The following SLC38A11 variants were observed in gnomAD, a reference collection of about 807,000 sequenced individuals.
The protein encoded by SLC38A11 is putative sodium-coupled neutral amino acid transporter 11.
In SLC38A11, 51 loss-of-function variants were observed where a neutral mutation model predicts 49.4. That is an observed-to-expected ratio of 1.03 (90% CI 0.83 to 1.30). SLC38A11 has a LOEUF of 1.30. Among genes scored for constraint, SLC38A11 ranks in the 50% most tolerant of loss-of-function variants. The pLI, the probability that SLC38A11 is intolerant of heterozygous loss-of-function variation, is 0.00. For missense variants in SLC38A11, 574 were observed against 556.2 expected (o/e 1.03, Z -0.32); for synonymous variants, 203 against 192.9 (o/e 1.05, Z -0.43).
At chr2:164,938,174 G>C (rs1465700434) in intron 6 of SLC38A11, among the ~76,000 whole-genome samples, 3 of 152,078 alleles carry the variant, frequency 2.0e-5, no homozygotes, top group African/African-American at 7.2e-5. Context: ...TATTTTATGT[G>C]AGTCTCATTA....
In SLC38A11 at chr2:164,915,392, C is replaced by A. The variant is rs1213166589; in HGVS notation, c.689-119G>T. 1.1e-5 allele frequency: 9 copies of A among 815,858 alleles called. No individual in the cohort carries two copies. The East Asian group carries it at 2.2e-4, about 20-fold the overall frequency. 50.5% of individuals were successfully genotyped at this position (815,858 alleles called of 1,614,324 possible). A position where few individuals can be genotyped will look rare whatever the true frequency, so the allele number is the denominator to read the frequency against. ...AATGAACTGAAGTTTAAACATACAA[C>A]TTTATTAATATGTCAGAAAATAATT... is the stretch of plus-strand genomic sequence containing the variant. On this transcript the variant is annotated intron_variant, in intron 8 of 11. Transcript: ENST00000685975.
chr2:164,916,494 AT>A (rs1292440172), intron 7 of SLC38A11, among the ~76,000 whole-genome samples: 1 of 152,136 alleles, frequency 6.6e-6, no homozygotes, highest in African/African-American at 2.4e-5. Flanking sequence ...ATCTCATTTA[AT>A]TTTCAAAATA....
chr2:164,920,378 A>G (rs17353513), intron 7 of SLC38A11, among the ~76,000 whole-genome samples: 9,712 of 152,234 alleles, frequency 0.064, 355 homozygotes, highest in Admixed American at 0.099. Flanking sequence ...TTAAACCCCC[A>G]TGCAAATTAA....
rs1227924902 is a variant in SLC38A11, at chr2:164,895,211, T to C, written c.*3226A>G. ...TCTATGTGTTCTCTAGGTCACAGCA[T>C]CTCTGGTCCACTCTACATATTTGCT... On this transcript the variant is annotated 3_prime_UTR_variant, in exon 12 of 12. Transcript: ENST00000685975. Among the ~76,000 whole-genome samples, 2 of 152,208 alleles carry C rather than the reference T, an allele frequency of 1.3e-5. No homozygotes were observed. The highest frequency in any genetic ancestry group is 2.9e-5 in the Non-Finnish European group (2 of 68,028).
At chr2:164,911,602 C>T in intron 10 of SLC38A11, 34 bp downstream of exon 10, 1 of 1,101,856 alleles carries the variant, frequency 9.1e-7, no homozygotes, top group Non-Finnish European at 1.3e-6. Flanking sequence ...AGAGAGATCA[C>T]CTGGGTAAAG....
chr2:164,955,282 TG>T lies in SLC38A11; in HGVS notation c.-36del, dbSNP rs781323707. ...GTGGTCCTCAGCAGGTGGAAGATGC[TG>T]GGGCTGGGTACGGATTCGCACCCGG... On this transcript the variant is annotated 5_prime_UTR_variant, in exon 1 of 12. Transcript: ENST00000685975. 3.2e-6 allele frequency: 5 copies of T among 1,548,682 alleles called. No individual in the cohort carries two copies. Among genetic ancestry groups the T allele is most frequent in the Non-Finnish European group, 8.7e-7 (1 of 1,145,316 alleles).
chr2:164,913,304 G>T (rs1685531360), intron 9 of SLC38A11, among the ~76,000 whole-genome samples: 1 of 151,920 alleles, frequency 6.6e-6, no homozygotes, highest in Non-Finnish European at 1.5e-5. Context: ...TAAGAAAAAA[G>T]GACTGAAGTT....
intron 7 of SLC38A11, among the ~76,000 whole-genome samples, chr2:164,925,413 A>G (rs1351895711): frequency 6.6e-6 from 1 of 152,172 alleles, no homozygotes; most frequent in African/African-American, 2.4e-5. Flanking sequence ...TTCAGATGTG[A>G]TGTCCAGATA....
At chr2:164,953,737 A>G (rs1688672773) in intron 2 of SLC38A11, among the ~76,000 whole-genome samples, 1 of 152,230 alleles carries the variant, frequency 6.6e-6, no homozygotes, top group African/African-American at 2.4e-5. Flanking sequence ...AAGTAACTCA[A>G]TCCAGATAAA....
intron 5 of SLC38A11, among the ~76,000 whole-genome samples, chr2:164,942,791 A>G (rs879945523): frequency 1.1e-4 from 16 of 152,162 alleles, no homozygotes; most frequent in Non-Finnish European, 1.9e-4. Context: ...AGTACTGGGT[A>G]AGTCTACTGT....
intron 3 of SLC38A11, among the ~76,000 whole-genome samples, chr2:164,952,061 G>A (rs1688559705): frequency 6.6e-6 from 1 of 152,160 alleles, no homozygotes; most frequent in Non-Finnish European, 1.5e-5. Context: ...GGATGACAAG[G>A]CGGGGACGAG....
In SLC38A11 at chr2:164,915,902, C is replaced by G. The variant is rs748066272; in HGVS notation, c.688+1G>C. The G allele has an allele frequency of 6.3e-7, 1 of 1,598,878 alleles. No homozygotes were observed. ...AAGGGCCTTTGAAACCAAATACTCA[C>G]CAAAAGACATAACCCCGACCGCTTG... On this transcript the variant is annotated splice_donor_variant, in intron 8 of 11. Coordinates refer to ENST00000685975, the MANE Select transcript of SLC38A11 (RefSeq NM_001351537.2). LOFTEE classifies it high-confidence loss of function.
intron 3 of SLC38A11, among the ~76,000 whole-genome samples, chr2:164,946,144 G>C (rs151113308): frequency 6.6e-4 from 101 of 152,272 alleles, no homozygotes; most frequent in African/African-American, 2.4e-3. Flanking sequence ...AATTAAAGGT[G>C]TGGTAGCATG....
rs766420178 is a variant in SLC38A11, at chr2:164,911,662, G to A, written c.937C>T (p.Pro313Ser). ...TCTCTTGTCACAAAGCATTCCATAG[G>A]GTATGTCAAAATGACAGTGACACCA... The part of the protein sequence containing the change: ...CYGVTVILTY[P>S]MECFVTREVI... Residue 313 changes from proline to serine, a missense_variant, in exon 10 of 12, where the codon CCT becomes TCT. Coordinates refer to ENST00000685975, the MANE Select transcript of SLC38A11 (RefSeq NM_001351537.2). 6.2e-5 allele frequency: 100 copies of A among 1,602,776 alleles called. 2 individuals are homozygous for A. The highest frequency in any genetic ancestry group is 8.1e-5 in the Non-Finnish European group (95 of 1,173,644).
At position 164,952,801 on chromosome 2, in the gene SLC38A11, C is replaced by G; in HGVS notation, c.155-20G>C. 1 of 1,576,826 alleles carries G rather than the reference C, an allele frequency of 6.3e-7. No individual in the cohort carries two copies. Among genetic ancestry groups the G allele is most frequent in the South Asian group, 1.2e-5 (1 of 85,150 alleles). ...GCAATCCTGAAAAAACATAAAATGC[C>G]CCACCCTTCACATTAACAAGAAAGC... On this transcript the variant is annotated intron_variant, in intron 2 of 11. Transcript: ENST00000685975.
chr2:164,945,292 A>G (rs1342619156), intron 4 of SLC38A11, among the ~76,000 whole-genome samples: 8 of 151,340 alleles, frequency 5.3e-5, no homozygotes, highest in Non-Finnish European at 1.0e-4. Flanking sequence ...GCCTTATAAG[A>G]AATGTGTTAT....
intron 7 of SLC38A11, among the ~76,000 whole-genome samples, chr2:164,928,031 G>A (rs1686720807): frequency 1.3e-5 from 2 of 152,164 alleles, no homozygotes; most frequent in South Asian, 4.1e-4. Flanking sequence ...GGTGAAATAA[G>A]TACTTAATAT....
At chr2:164,905,101 A>T (rs1684903341) in intron 11 of SLC38A11, among the ~76,000 whole-genome samples, 1 of 148,334 alleles carries the variant, frequency 6.7e-6, no homozygotes, top group Non-Finnish European at 1.5e-5. Context: ...GGTAGCTCAC[A>T]TTATTATTAT....
intron 5 of SLC38A11, among the ~76,000 whole-genome samples, chr2:164,943,004 G>A (rs1427163477): frequency 8.5e-5 from 13 of 152,170 alleles, no homozygotes; most frequent in Admixed American, 8.5e-4. Context: ...TAAACCCTGT[G>A]TGAGGACTAG....
Sources: allele counts gnomAD v4.1 joint callset (sites outside exome capture counted in the v4.1 genomes callset), GRCh38; gene constraint gnomAD v4.1.1; transcripts MANE v1.5; gene names NCBI Gene and HGNC (gene_info 2026-07-23, HGNC 2026-07-21).